NUP93: variants seen among roughly 807,000 people sequenced by gnomAD.
NUP93 encodes the protein nucleoporin 93.
A neutral mutation model predicts 107.8 loss-of-function variants in NUP93; 55 were observed. That is an observed-to-expected ratio of 0.51 (90% CI 0.41 to 0.64). The LOEUF is 0.64. NUP93 is among the 30% of genes least tolerant of loss of function. The pLI, the probability that NUP93 is intolerant of heterozygous loss-of-function variation, is 0.00. For synonymous variants in NUP93, 390 were observed against 397.5 expected (o/e 0.98, Z 0.22); for missense variants, 937 against 1,044.7 (o/e 0.90, Z 1.42).
chr16:56,808,490 G>A (rs62651201), intron 5 of NUP93, among the ~76,000 whole-genome samples: 9,335 of 99,122 alleles, frequency 0.094, 841 homozygotes, highest in Middle Eastern at 0.16. Context: ...ATATAGTTAT[G>A]TAACTATATA....
At chr16:56,809,239 C>T (rs1259655449) in intron 5 of NUP93, among the ~76,000 whole-genome samples, 8 of 152,082 alleles carry the variant, frequency 5.3e-5, no homozygotes, top group African/African-American at 1.9e-4. Flanking sequence ...GAGGACAGCC[C>T]TGGGCTTTTT....
chr16:56,833,399 T>G lies in NUP93; in HGVS notation c.1530T>G (p.Ala510=), dbSNP rs755995392. 1 of 1,532,438 alleles carries G rather than the reference T, an allele frequency of 6.5e-7. No individual in the cohort carries two copies. Among genetic ancestry groups the G allele is most frequent in the Admixed American group, 2.3e-5 (1 of 42,726 alleles). The allele number at this position is 1,532,438 out of a possible 1,614,324, so 94.9% of individuals were successfully genotyped here. A position where few individuals can be genotyped will look rare whatever the true frequency, so the allele number is the denominator to read the frequency against. Residue 510 remains alanine (A), a synonymous_variant, in exon 13 of 22, where the codon GCT becomes GCG. Coordinates refer to ENST00000308159, the MANE Select transcript of NUP93 (RefSeq NM_014669.5). ...TTTTAAAGTCCTCTGGACAGAGTGC[T>G]CAGCTCCGTGAGTATTTGGGATTGG... ...KLLLKSSGQS[A]QLLSHEPGDP...
At chr16:56,768,136 C>G (rs1962247147) in intron 3 of NUP93, among the ~76,000 whole-genome samples, 1 of 152,224 alleles carries the variant, frequency 6.6e-6, no homozygotes. Flanking sequence ...TGGGAGCAAA[C>G]CATTTGTGGA....
At chr16:56,840,925 A>G (rs1016597771) in intron 20 of NUP93, among the ~76,000 whole-genome samples, 1 of 152,092 alleles carries the variant, frequency 6.6e-6, no homozygotes, top group East Asian at 1.9e-4. Context: ...TGAACCCGGG[A>G]AGCAAAGGTT....
At chr16:56,731,210 T>G (rs1347573646) in intron 1 of NUP93, among the ~76,000 whole-genome samples, 1 of 152,094 alleles carries the variant, frequency 6.6e-6, no homozygotes, top group East Asian at 1.9e-4. Flanking sequence ...GCCACCCACT[T>G]AATATCTCCA....
intron 3 of NUP93, among the ~76,000 whole-genome samples, chr16:56,787,191 A>T (rs1480905231): frequency 6.6e-6 from 1 of 152,238 alleles, no homozygotes; most frequent in African/African-American, 2.4e-5. Flanking sequence ...CTCCAAACAA[A>T]TCCATTTTTG....
At chr16:56,756,787 C>T (rs1441115408) in intron 2 of NUP93, among the ~76,000 whole-genome samples, 3 of 152,192 alleles carry the variant, frequency 2.0e-5, no homozygotes, top group Non-Finnish European at 4.4e-5. Context: ...TGTTTCTTCA[C>T]AGCCTTGCCA....
chr16:56,812,344 G>GA (rs1555495433), intron 5 of NUP93, among the ~76,000 whole-genome samples: 1 of 150,534 alleles, frequency 6.6e-6, no homozygotes, highest in African/African-American at 2.4e-5. Context: ...CTAGCAAGTT[G>GA]TTTTTTTTTC....
In NUP93 at chr16:56,844,641, C is replaced by A; in HGVS notation, c.*32C>A. ...TGCTTTGTGGGAGTCTGGGTCGGCA[C>A]ACTGTCAGTACATCAGGCACATGGG... On this transcript the variant is annotated 3_prime_UTR_variant, in exon 22 of 22. Coordinates refer to ENST00000308159, the MANE Select transcript of NUP93 (RefSeq NM_014669.5). 1 of 1,459,310 alleles carries A rather than the reference C, an allele frequency of 6.9e-7. No individual in the cohort carries two copies. Among genetic ancestry groups the A allele is most frequent in the Non-Finnish European group, 9.4e-7 (1 of 1,059,170 alleles). The allele number at this position is 1,459,310 out of a possible 1,614,324, so 90.4% of individuals were successfully genotyped here. A position where few individuals can be genotyped will look rare whatever the true frequency, so the allele number is the denominator to read the frequency against.
intron 3 of NUP93, among the ~76,000 whole-genome samples, chr16:56,762,684 C>T (rs959473184): frequency 6.6e-6 from 1 of 152,116 alleles, no homozygotes; most frequent in Non-Finnish European, 1.5e-5. Context: ...GTACTGCAAA[C>T]TTGGTGGCCT....
intron 5 of NUP93, among the ~76,000 whole-genome samples, chr16:56,808,555 A>T (rs1488262959): frequency 1.7e-5 from 2 of 117,988 alleles, no homozygotes; most frequent in African/African-American, 3.6e-5. Flanking sequence ...TAAATATATA[A>T]AAATATATAA....
chr16:56,750,093 C>T (rs1961891632), intron 2 of NUP93, among the ~76,000 whole-genome samples: 1 of 152,260 alleles, frequency 6.6e-6, no homozygotes, highest in African/African-American at 2.4e-5. Context: ...ATCAGCTTTA[C>T]AGCCTATTAA....
chr16:56,740,798 C>T (rs1186400222), intron 1 of NUP93: 30 of 160,370 alleles, frequency 1.9e-4, no homozygotes, highest in South Asian at 6.2e-4. Context: ...CCGAGGTTGG[C>T]GGATCACTCG....
chr16:56,767,598 G>C (rs1254722238), intron 3 of NUP93, among the ~76,000 whole-genome samples: 1 of 152,130 alleles, frequency 6.6e-6, no homozygotes, highest in Non-Finnish European at 1.5e-5. Context: ...AAATGCTGTT[G>C]CTATCTTAGG....
chr16:56,836,636 G>A lies in NUP93; in HGVS notation c.1818G>A (p.Lys606=), dbSNP rs1346649103. ...TAGATAAGTTTACTAGTGACACAAAGCCTATTATCAACAAAGTTGCTTCTG... is the reference window on the plus strand; with the variant it reads ...TAGATAAGTTTACTAGTGACACAAAACCTATTATCAACAAAGTTGCTTCTG... ...GVIDKFTSDT[K]PIINKVASVA... Residue 606 remains lysine, a synonymous_variant, in exon 17 of 22, where the codon AAG becomes AAA. Coordinates refer to ENST00000308159, the MANE Select transcript of NUP93 (RefSeq NM_014669.5). 5 of 1,613,814 alleles carry A rather than the reference G, an allele frequency of 3.1e-6. No homozygotes were observed. The African/African-American group carries it at 4.0e-5, about 13-fold the overall frequency.
At chr16:56,821,658 C>A in intron 7 of NUP93, 65 bp downstream of exon 7, 1 of 1,038,486 alleles carries the variant, frequency 9.6e-7, no homozygotes, top group Non-Finnish European at 1.5e-6. Context: ...TAGCAACTTG[C>A]CGATTTGGTT....
chr16:56,751,929 T>C (rs1390624145), intron 2 of NUP93, among the ~76,000 whole-genome samples: 1 of 152,196 alleles, frequency 6.6e-6, no homozygotes, highest in African/African-American at 2.4e-5. Flanking sequence ...TATAAAGCCG[T>C]CCCTACCCTA....
intron 5 of NUP93, among the ~76,000 whole-genome samples, chr16:56,817,927 G>A (rs1263626047): frequency 6.6e-6 from 1 of 152,200 alleles, no homozygotes; most frequent in Non-Finnish European, 1.5e-5. Context: ...TCCACACAAT[G>A]ACGAAATCTC....
chr16:56,783,979 C>T (rs528359842), intron 3 of NUP93: 12 of 759,904 alleles, frequency 1.6e-5, no homozygotes, highest in African/African-American at 1.1e-4. Context: ...AAAAGTGTAA[C>T]GCAGAGGTTC....
Sources: gnomAD v4.1 joint callset for allele counts (sites outside exome capture counted in the v4.1 genomes callset) on GRCh38, gnomAD v4.1.1 for gene constraint, MANE v1.5 for transcripts, NCBI Gene and HGNC (gene_info 2026-07-23, HGNC 2026-07-21) for gene names.